Variants in EMSY observed in about 807,000 individuals in gnomAD.
The protein encoded by EMSY is EMSY transcriptional repressor, BRCA2 interacting.
A neutral mutation model predicts 134.6 loss-of-function variants in EMSY; 26 were observed. The ratio of observed to expected loss-of-function variants is 0.19; its 90% CI spans 0.14 to 0.27. The LOEUF is 0.27. EMSY is among the 10% of genes least tolerant of loss of function. The pLI, the probability that EMSY is intolerant of heterozygous loss-of-function variation, is 1.00. For missense variants in EMSY, 1,305 were observed against 1,611.4 expected (o/e 0.81, Z 3.26); for synonymous variants, 579 against 577.8 (o/e 1.00, Z -0.03).
intron 2 of EMSY, among the ~76,000 whole-genome samples, chr11:76,450,860 C>G (rs1426781257): frequency 1.3e-5 from 2 of 149,128 alleles, no homozygotes; most frequent in African/African-American, 5.0e-5. Context: ...GTGGCATGAT[C>G]ACAGCTCACT....
At chr11:76,450,513 A>G (rs1947616673) in intron 2 of EMSY, among the ~76,000 whole-genome samples, 1 of 149,394 alleles carries the variant, frequency 6.7e-6, no homozygotes, top group African/African-American at 2.5e-5. Flanking sequence ...TCCTTCTGAG[A>G]CAGAGTCTTA....
intron 11 of EMSY, among the ~76,000 whole-genome samples, chr11:76,521,994 C>T (rs548129770): frequency 2.6e-5 from 4 of 152,042 alleles, no homozygotes; most frequent in South Asian, 2.1e-4. Context: ...ACTCCACTCC[C>T]GTCTGGGTGA....
intron 6 of EMSY, among the ~76,000 whole-genome samples, chr11:76,462,905 G>A (rs114416161): frequency 6.6e-6 from 1 of 152,234 alleles, no homozygotes; most frequent in Non-Finnish European, 1.5e-5. Context: ...TTTGCAACTA[G>A]TAGTAGGATT....
chr11:76,533,271 G>A (rs1565354921), intron 14 of EMSY, among the ~76,000 whole-genome samples: 1 of 152,056 alleles, frequency 6.6e-6, no homozygotes, highest in Non-Finnish European at 1.5e-5. Flanking sequence ...GATGGGGGTG[G>A]GTTGGGTTGG....
intron 6 of EMSY, among the ~76,000 whole-genome samples, chr11:76,461,968 G>A (rs191856361): frequency 6.6e-6 from 1 of 151,190 alleles, no homozygotes; most frequent in Non-Finnish European, 1.5e-5. Flanking sequence ...CAGGCATGGT[G>A]GCTCATGCCT....
chr11:76,501,633 T>C (rs1949862810), intron 9 of EMSY, among the ~76,000 whole-genome samples: 1 of 152,002 alleles, frequency 6.6e-6, no homozygotes, highest in South Asian at 2.1e-4. Flanking sequence ...CAATAGAGGT[T>C]ATGTGAGCTG....
chr11:76,497,284 CTATT>C (rs1384323382), intron 9 of EMSY: 1 of 152,274 alleles, frequency 6.6e-6, no homozygotes, highest in Non-Finnish European at 1.5e-5. Context: ...ATTTGTCTCT[CTATT>C]CATGAGACAT....
intron 2 of EMSY, among the ~76,000 whole-genome samples, 163 bp downstream of exon 2, chr11:76,447,171 A>G (rs1056097541): frequency 5.9e-5 from 9 of 152,224 alleles, no homozygotes; most frequent in African/African-American, 2.2e-4. Flanking sequence ...AGTGCCTAAC[A>G]TAGTGCTTTG....
intron 15 of EMSY, 73 bp downstream of exon 16, chr11:76,536,132 G>C: frequency 1.0e-6 from 1 of 985,170 alleles, no homozygotes; most frequent in Non-Finnish European, 1.3e-6. Flanking sequence ...TACTACCACT[G>C]TTATTATTTA....
intron 18 of EMSY, among the ~76,000 whole-genome samples, chr11:76,542,683 T>C (rs542777177): frequency 3.0e-4 from 45 of 152,268 alleles, no homozygotes; most frequent in African/African-American, 9.6e-4. Context: ...TAAATAAGAT[T>C]TTCAAATGAA....
chr11:76,521,708 A>G (rs561034767), intron 11 of EMSY, among the ~76,000 whole-genome samples: 2 of 151,498 alleles, frequency 1.3e-5, no homozygotes, highest in Admixed American at 1.3e-4. Context: ...AGCCTGCAGT[A>G]GATATGATCA....
At chr11:76,449,734 C>T (rs1476902723) in intron 2 of EMSY, among the ~76,000 whole-genome samples, 7 of 152,156 alleles carry the variant, frequency 4.6e-5, no homozygotes, top group Non-Finnish European at 8.8e-5. Flanking sequence ...ACTACTTTTC[C>T]ATTTTTACCG....
At chr11:76,448,404 T>G (rs1947510101) in intron 2 of EMSY, among the ~76,000 whole-genome samples, 1 of 152,076 alleles carries the variant, frequency 6.6e-6, no homozygotes, top group African/African-American at 2.4e-5. Flanking sequence ...TAATATAACT[T>G]GTTAGTTGCC....
chr11:76,447,056 CCCTTTCTGCCTAGGTCATAG>C (rs1947445694), intron 2 of EMSY, 48 bp downstream of exon 2: 15 of 1,572,048 alleles, frequency 9.5e-6, no homozygotes, highest in Non-Finnish European at 1.3e-5. Context: ...TACCTTTTTT[CCCTTTCTGCCTAGGTCATAG>C]CTGTTTGCAT....
rs772479700 is a variant in EMSY at position 76,544,731 on chromosome 11, C to T, written c.3182C>T (p.Ala1061Val). ...CAGCAGCTCCCTAAACTGCAGCAGG[C>T]TCCGAACCAACCAAAAATCTACGTG... The change falls in exon 19 of 21, where the codon GCT (alanine) becomes GTT (valine). Residue 1061 changes from alanine to valine, a missense_variant. Physicochemically the swap from Ala to Val is moderately conservative, Grantham distance 64 (BLOSUM62 0). This residue lies in a region of EMSY where 664 missense variants were observed against 763.9 expected (regional missense o/e 0.87). Coordinates refer to ENST00000334736, the Ensembl canonical transcript of EMSY. 4 of 1,614,158 alleles carry T rather than the reference C, an allele frequency of 2.5e-6. No homozygotes were observed. The Admixed American group carries it at 6.7e-5, about 27-fold the overall frequency.
At chr11:76,446,559 G>T (rs1324860463) in intron 1 of EMSY, among the ~76,000 whole-genome samples, 1 of 152,090 alleles carries the variant, frequency 6.6e-6, no homozygotes, top group South Asian at 2.1e-4. Context: ...CACTATGAAA[G>T]AACTTTATAT....
At chr11:76,496,619 GTA>G (rs750208603) in intron 9 of EMSY, 150 bp downstream of exon 10, 1 of 882,660 alleles carries the variant, frequency 1.1e-6, no homozygotes. Context: ...TATAGATTCT[GTA>G]TATGTTTTGT....
At chr11:76,491,500 T>G (rs1381264581) in intron 8 of EMSY, among the ~76,000 whole-genome samples, 1 of 152,172 alleles carries the variant, frequency 6.6e-6, no homozygotes, top group Non-Finnish European at 1.5e-5. Context: ...TTCTGACACC[T>G]TCCCTCAGCT....
At chr11:76,493,189 G>C (rs1949494472) in intron 8 of EMSY, among the ~76,000 whole-genome samples, 1 of 152,224 alleles carries the variant, frequency 6.6e-6, no homozygotes, top group African/African-American at 2.4e-5. Context: ...ACCCAGCTGG[G>C]TGCACACCAC....
Sources: allele counts gnomAD v4.1 joint callset (sites outside exome capture counted in the v4.1 genomes callset), GRCh38; gene constraint gnomAD v4.1.1; regional missense constraint gnomAD v4.1.1; transcripts MANE v1.5; gene names NCBI Gene and HGNC (gene_info 2026-07-23, HGNC 2026-07-21).